The following AUTS2 variants were observed in gnomAD, a reference collection of about 807,000 sequenced individuals.
AUTS2 encodes autism susceptibility gene 2 protein.
In AUTS2, 17 loss-of-function variants were observed where a neutral mutation model predicts 112.4. The ratio of observed to expected loss-of-function variants is 0.15; its 90% CI spans 0.10 to 0.23. AUTS2 has a LOEUF of 0.23. Ranked by LOEUF, AUTS2 falls within the 10% of genes least tolerant of loss-of-function variation. The pLI is 1.00. For synonymous variants in AUTS2, 751 were observed against 702.7 expected (o/e 1.07, Z -1.09); for missense variants, 1,510 against 1,701.6 (o/e 0.89, Z 1.98).
chr7:70,447,860 CA>C (rs1796379083), intron 5 of AUTS2, among the ~76,000 whole-genome samples: 1 of 152,220 alleles, frequency 6.6e-6, no homozygotes, highest in South Asian at 2.1e-4. Flanking sequence ...TACTTGCATG[CA>C]AATGATGCTT....
intron 1 of AUTS2, among the ~76,000 whole-genome samples, chr7:69,800,144 G>A (rs1790019664): frequency 6.6e-6 from 1 of 152,130 alleles, no homozygotes; most frequent in Non-Finnish European, 1.5e-5. Context: ...TATGTAACAG[G>A]AAATTTGTTT....
At chr7:69,719,281 A>G (rs1464534427) in intron 1 of AUTS2, among the ~76,000 whole-genome samples, 1 of 152,182 alleles carries the variant, frequency 6.6e-6, no homozygotes, top group African/African-American at 2.4e-5. Context: ...ATATCCCCCA[A>G]GTATCAGACT....
chr7:70,708,123 C>T (rs1455570962), intron 6 of AUTS2, among the ~76,000 whole-genome samples: 2 of 152,188 alleles, frequency 1.3e-5, no homozygotes, highest in East Asian at 1.9e-4. Flanking sequence ...CATTTTCCCC[C>T]TCTTATCTAT....
intron 4 of AUTS2, among the ~76,000 whole-genome samples, chr7:70,231,506 G>A (rs1273846925): frequency 5.9e-5 from 9 of 151,992 alleles, no homozygotes; most frequent in African/African-American, 9.7e-5. Flanking sequence ...GCAGTGGCAC[G>A]ATCTTGGCTC....
intron 4 of AUTS2, among the ~76,000 whole-genome samples, chr7:70,215,468 G>T (rs376047904): frequency 4.6e-5 from 7 of 152,294 alleles, no homozygotes; most frequent in South Asian, 2.1e-4. Flanking sequence ...ACTGAAGAAT[G>T]TTAGGGGCTG....
At chr7:70,108,783 C>CAAAAAAAAAAAAAAAAAAAAAAAA (rs528009205) in intron 2 of AUTS2, among the ~76,000 whole-genome samples, 2 of 69,184 alleles carry the variant, frequency 2.9e-5, no homozygotes, top group African/African-American at 1.1e-4. Flanking sequence ...GCCAACATGG[C>CAAAAAAAAAAAAAAAAAAAAAAAA]AAAAAAAAAA....
chr7:70,013,865 G>C (rs572945570), intron 2 of AUTS2, among the ~76,000 whole-genome samples: 1 of 152,064 alleles, frequency 6.6e-6, no homozygotes, highest in Non-Finnish European at 1.5e-5. Flanking sequence ...CTACAGGCAC[G>C]TATCACCACG....
At chr7:70,448,713 T>A (rs2131031479) in intron 5 of AUTS2, among the ~76,000 whole-genome samples, 1 of 152,334 alleles carries the variant, frequency 6.6e-6, no homozygotes, top group African/African-American at 2.4e-5. Flanking sequence ...TGCGTTTAAG[T>A]AAGTTACACT....
At chr7:69,732,049 A>C (rs935536752) in intron 1 of AUTS2, among the ~76,000 whole-genome samples, 1 of 151,762 alleles carries the variant, frequency 6.6e-6, no homozygotes, top group Non-Finnish European at 1.5e-5. Context: ...ATCACAGTAG[A>C]TGCTGTAAGG....
Position 70,730,232 on chromosome 7 carries a change from T to G in AUTS2, c.742+31612T>G, listed in dbSNP as rs200640427. Among the ~76,000 whole-genome samples the G allele has an allele frequency of 5.3e-5, 8 of 151,244 alleles. No individual in the cohort carries two copies. In the East Asian group the frequency reaches 1.2e-3, roughly 22 times the overall value. On this transcript the variant is annotated intron_variant, in intron 6 of 18. Transcript: ENST00000342771. ...AGGACAACCAGTTTTTTTTTTTGTT[T>G]TTTGTTTGTTTGTTTGTTGGTTTTT...
At chr7:69,847,855 C>T (rs1385536049) in intron 1 of AUTS2, among the ~76,000 whole-genome samples, 3 of 151,938 alleles carry the variant, frequency 2.0e-5, no homozygotes, top group Non-Finnish European at 2.9e-5. Flanking sequence ...CTGAAAACAG[C>T]TCTGCTCTTG....
At chr7:70,129,747 C>A (rs1401957811) in intron 3 of AUTS2, among the ~76,000 whole-genome samples, 1 of 152,162 alleles carries the variant, frequency 6.6e-6, no homozygotes, top group Non-Finnish European at 1.5e-5. Context: ...TTGGTGACAA[C>A]CTGACGTGGG....
At chr7:69,622,676 A>G (rs928527300) in intron 1 of AUTS2, among the ~76,000 whole-genome samples, 2 of 152,222 alleles carry the variant, frequency 1.3e-5, no homozygotes, top group African/African-American at 4.8e-5. Context: ...CTATTTCTAG[A>G]TATACAGGAT....
At chr7:69,824,687 G>A (rs1206035290) in intron 1 of AUTS2, 1 of 151,954 alleles carries the variant, frequency 6.6e-6, no homozygotes, top group Non-Finnish European at 1.5e-5. Flanking sequence ...CCTTCATTTT[G>A]GTAAGGCCAT....
At chr7:70,757,504 TTGTC>T (rs1223913279) in intron 6 of AUTS2, among the ~76,000 whole-genome samples, 10 of 152,202 alleles carry the variant, frequency 6.6e-5, no homozygotes, top group African/African-American at 2.4e-4. Flanking sequence ...TTGGCCAACA[TTGTC>T]TGTGAAACAG....
chr7:70,528,288 AT>A (rs1196739230), intron 5 of AUTS2, among the ~76,000 whole-genome samples: 2 of 151,714 alleles, frequency 1.3e-5, no homozygotes, highest in African/African-American at 2.4e-5. Flanking sequence ...ATAAAAAAAA[AT>A]AATAAAAAAA....
chr7:70,729,060 T>C, intron 6 of AUTS2: 2 of 414,198 alleles, frequency 4.8e-6, no homozygotes, highest in South Asian at 3.5e-5. Context: ...TTCTGTTCTT[T>C]GTGAAAGCTA....
chr7:70,230,091 CT>C (rs56080562), intron 4 of AUTS2, among the ~76,000 whole-genome samples: 5 of 151,608 alleles, frequency 3.3e-5, no homozygotes, highest in African/African-American at 1.2e-4. Flanking sequence ...TATCTATTGA[CT>C]TTTTTTTCCT....
intron 4 of AUTS2, among the ~76,000 whole-genome samples, chr7:70,203,606 GA>G (rs1302868943): frequency 6.8e-6 from 1 of 147,398 alleles, no homozygotes; most frequent in Non-Finnish European, 1.5e-5. Flanking sequence ...AAAGTAGGGG[GA>G]TATATAGAAA....
Sources: allele counts gnomAD v4.1 joint callset (sites outside exome capture counted in the v4.1 genomes callset), GRCh38; gene constraint gnomAD v4.1.1; transcripts MANE v1.5; gene names NCBI Gene and HGNC (gene_info 2026-07-23, HGNC 2026-07-21).